The following B4GALT5 variants were observed in gnomAD, a reference collection of about 807,000 sequenced individuals.
B4GALT5 encodes UDP-Gal:beta-GlcNAc beta-1,4-galactosyltransferase 5.
In B4GALT5, 11 loss-of-function variants were observed where a neutral mutation model predicts 45.0. That is an observed-to-expected ratio of 0.24 (90% CI 0.15 to 0.40). B4GALT5 has a LOEUF of 0.40. Among genes scored for constraint, B4GALT5 ranks in the 10% least tolerant of loss-of-function variants. The probability of loss-of-function intolerance (pLI) is 1.00; values close to 1 mark genes in which losing one functional copy is unlikely to be tolerated. For missense variants in B4GALT5, 337 were observed against 500.2 expected (o/e 0.67, Z 3.11); for synonymous variants, 185 against 182.9 (o/e 1.01, Z -0.09).
chr20:49,663,900 G>T (rs1366103862), intron 1 of B4GALT5, among the ~76,000 whole-genome samples: 1 of 151,892 alleles, frequency 6.6e-6, no homozygotes, highest in Non-Finnish European at 1.5e-5. Flanking sequence ...CAGGTCTGTT[G>T]ATTACAGTCA....
At chr20:49,673,425 T>C (rs2085724326) in intron 1 of B4GALT5, among the ~76,000 whole-genome samples, 1 of 150,940 alleles carries the variant, frequency 6.6e-6, no homozygotes, top group African/African-American at 2.4e-5. Flanking sequence ...AAAGTGACAC[T>C]AGGCAATTCC....
At chr20:49,644,127 T>TAA (rs940867300) in intron 3 of B4GALT5, among the ~76,000 whole-genome samples, 9 of 151,850 alleles carry the variant, frequency 5.9e-5, no homozygotes, top group African/African-American at 2.2e-4. Context: ...AGGTTTCACC[T>TAA]TGTTGGCCAG....
intron 7 of B4GALT5, among the ~76,000 whole-genome samples, chr20:49,639,132 T>C (rs1336505954): frequency 3.9e-5 from 6 of 152,166 alleles, no homozygotes; most frequent in African/African-American, 2.4e-5. Flanking sequence ...AATGGTAACA[T>C]GTTACTTATT....
At chr20:49,647,182 TAGA>T (rs1457918606) in intron 2 of B4GALT5, 104 bp from the exon 3 acceptor site, 5 of 697,992 alleles carry the variant, frequency 7.2e-6, no homozygotes, top group Admixed American at 2.5e-5. Flanking sequence ...ATCATCTTGG[TAGA>T]AGGAGACAGG....
chr20:49,650,749 G>A (rs1014529202), intron 2 of B4GALT5, among the ~76,000 whole-genome samples: 4 of 152,174 alleles, frequency 2.6e-5, no homozygotes, highest in Admixed American at 6.5e-5. Context: ...TGCAGTTATC[G>A]TGAGGAGCCC....
intron 1 of B4GALT5, among the ~76,000 whole-genome samples, 166 bp downstream of exon 1, chr20:49,713,410 G>A (rs1460036550): frequency 6.6e-6 from 1 of 151,794 alleles, no homozygotes; most frequent in Admixed American, 6.6e-5. Flanking sequence ...GGTGCGGAGG[G>A]CAGGAATGTC....
At chr20:49,641,098 G>A (rs2085575374) in intron 5 of B4GALT5, among the ~76,000 whole-genome samples, 1 of 151,830 alleles carries the variant, frequency 6.6e-6, no homozygotes, top group Non-Finnish European at 1.5e-5. Flanking sequence ...TTGGGCGACA[G>A]AGCAAGACTC....
At chr20:49,668,533 C>T (rs4810969) in intron 1 of B4GALT5, among the ~76,000 whole-genome samples, 70,122 of 149,420 alleles carry the variant, frequency 0.47, 17,341 homozygotes, top group South Asian at 0.66. Flanking sequence ...CTGTAAATTA[C>T]CTTGCTGGTT....
intron 1 of B4GALT5, among the ~76,000 whole-genome samples, chr20:49,671,789 A>C (rs1324926737): frequency 6.6e-6 from 1 of 152,218 alleles, no homozygotes; most frequent in Non-Finnish European, 1.5e-5. Context: ...CTTTTCACAC[A>C]GCATCTACTT....
intron 1 of B4GALT5, among the ~76,000 whole-genome samples, chr20:49,712,114 C>G (rs2085915170): frequency 6.6e-6 from 1 of 152,202 alleles, no homozygotes; most frequent in Non-Finnish European, 1.5e-5. Context: ...CAAACACATT[C>G]CTTAAGCGTT....
chr20:49,647,838 G>T (rs934551651), intron 2 of B4GALT5, among the ~76,000 whole-genome samples: 2 of 151,556 alleles, frequency 1.3e-5, no homozygotes, highest in Non-Finnish European at 2.9e-5. Flanking sequence ...AATGTGCTTG[G>T]GGGGAGGTAT....
chr20:49,638,851 T>C (rs907307101), intron 7 of B4GALT5, among the ~76,000 whole-genome samples: 1 of 152,148 alleles, frequency 6.6e-6, no homozygotes, highest in Non-Finnish European at 1.5e-5. Flanking sequence ...ATTCTAAATA[T>C]ACACCAGGAA....
chr20:49,633,436 C>CCTGTT lies in B4GALT5; in HGVS notation c.*2871_*2875dup, dbSNP rs1386340881. ...TATATGCACAAGGTCACATTTGGTT[C>CCTGTT]CTGTTTTTTTTTTTAACATGACAAT... On this transcript the variant is annotated 3_prime_UTR_variant, in exon 9 of 9. Coordinates refer to ENST00000371711, the MANE Select transcript of B4GALT5 (RefSeq NM_004776.4). 2 of 45,552 alleles carry CCTGTT rather than the reference C, an allele frequency of 4.4e-5. No homozygotes were observed. The highest frequency in any genetic ancestry group is 9.6e-5 in the African/African-American group (1 of 10,430). The allele number at this position is 45,552 out of a possible 1,614,324, so 2.8% of individuals were successfully genotyped here.
intron 1 of B4GALT5, among the ~76,000 whole-genome samples, chr20:49,704,523 T>C (rs556247538): frequency 1.3e-4 from 20 of 151,512 alleles, no homozygotes; most frequent in Non-Finnish European, 2.1e-4. Context: ...ATCGAGACCA[T>C]CCCGGCTAAA....
At chr20:49,653,489 G>A (rs2123013735) in intron 2 of B4GALT5, among the ~76,000 whole-genome samples, 1 of 152,336 alleles carries the variant, frequency 6.6e-6, no homozygotes, top group Non-Finnish European at 1.5e-5. Context: ...AGGTACTAAG[G>A]ATACAAAGAT....
At chr20:49,677,739 T>C (rs1203780578) in intron 1 of B4GALT5, among the ~76,000 whole-genome samples, 1 of 152,072 alleles carries the variant, frequency 6.6e-6, no homozygotes, top group African/African-American at 2.4e-5. Context: ...ATATCTTTGA[T>C]TGATTGATTG....
At chr20:49,712,768 A>C (rs1030368560) in intron 1 of B4GALT5, among the ~76,000 whole-genome samples, 4 of 133,016 alleles carry the variant, frequency 3.0e-5, no homozygotes, top group African/African-American at 1.1e-4. Context: ...TTGAGAAAGA[A>C]GCTGTGGCTG....
intron 2 of B4GALT5, among the ~76,000 whole-genome samples, chr20:49,651,607 A>C (rs1356082326): frequency 6.6e-6 from 1 of 151,950 alleles, no homozygotes; most frequent in African/African-American, 2.4e-5. Flanking sequence ...AAAAGAAGAT[A>C]GATAGATAGA....
intron 1 of B4GALT5, among the ~76,000 whole-genome samples, chr20:49,709,569 C>G (rs763489224): frequency 2.4e-4 from 37 of 151,998 alleles, no homozygotes; most frequent in Non-Finnish European, 4.7e-4. Context: ...GTCGGGAGTT[C>G]GAGACGAACC....
Sources: gnomAD v4.1 joint callset for allele counts (sites outside exome capture counted in the v4.1 genomes callset) on GRCh38, gnomAD v4.1.1 for gene constraint, MANE v1.5 for transcripts, NCBI Gene and HGNC (gene_info 2026-07-23, HGNC 2026-07-21) for gene names.